The following SERPINA3 variants were observed in gnomAD, a reference collection of about 807,000 sequenced individuals.
SERPINA3 encodes alpha-1-antichymotrypsin.
Under a neutral mutation model 26.8 loss-of-function variants are expected in SERPINA3, and 32 were observed. The ratio of observed to expected loss-of-function variants is 1.20; its 90% confidence interval spans 0.90 to 1.61. The LOEUF (loss-of-function observed/expected upper bound fraction) is 1.61, where lower values mean the gene tolerates loss of function less well. SERPINA3 is among the 40% of genes most tolerant of loss of function. SERPINA3 has a pLI of 0.00. For synonymous variants in SERPINA3, 252 were observed against 206.4 expected, an observed-to-expected ratio of 1.22 and a Z score of -1.89; for missense variants, 632 against 517.9, an observed-to-expected ratio of 1.22 and a Z score of -2.14.
rs772143246 is a variant in SERPINA3 at position 94,614,702 on chromosome 14, G to A, written c.261G>A (p.Leu87=). The A allele has an allele frequency of 1.2e-6, 2 of 1,614,146 alleles. No homozygotes were observed. The highest frequency in any genetic ancestry group is 2.2e-5 in the East Asian group (1 of 44,866). ...GCATCTCCACCGCCTTGGCCTTCCT[G>A]TCTCTGGGGGCCCATAATACCACCC... ...PLSISTALAF[L]SLGAHNTTLT... is the part of the protein sequence containing the mutation. Residue 87 remains leucine (L), a synonymous_variant, in exon 2 of 5, where the codon CTG becomes CTA. Transcript: ENST00000393078.
In SERPINA3 at chr14:94,614,525, A is replaced by G; in HGVS notation, c.84A>G (p.Pro28=). ...CTGTCCTCTGCCACCCTAACAGCCC[A>G]CTTGACGAGGAGAATCTGACCCAGG... ...CPAVLCHPNS[P]LDEENLTQEN... The change falls in exon 2 of 5, where the codon CCA becomes CCG. Residue 28 remains proline (P), a synonymous_variant. Transcript: ENST00000393078. 1 of 1,613,862 alleles carries G rather than the reference A, an allele frequency of 6.2e-7. No homozygotes were observed. The highest frequency in any genetic ancestry group is 1.3e-5 in the African/African-American group (1 of 75,000).
In SERPINA3 at chr14:94,614,623, A is replaced by G. The variant is rs1424796638; in HGVS notation, c.182A>G (p.Tyr61Cys). 2.5e-6 allele frequency: 4 copies of G among 1,613,988 alleles called. No homozygotes were observed. In the East Asian group the frequency reaches 6.7e-5, roughly 27 times the overall value. ...AACGTGGACTTCGCTTTCAGCCTGT[A>G]CAAGCAGTTAGTCCTGAAGGCCCCT... ...SANVDFAFSL[Y>C]KQLVLKAPDK... The change falls in exon 2 of 5, where the codon TAC becomes TGC. Residue 61 changes from tyrosine to cysteine, a missense_variant. Tyr to Cys is a radical substitution (Grantham distance 194). Transcript: ENST00000393078.
Position 94,614,477 on chromosome 14 carries a change from C to T in SERPINA3, c.36C>T (p.Leu12=), listed in dbSNP as rs79181968. 9,741 of 1,614,102 alleles carry T rather than the reference C, an allele frequency of 6.0e-3. 31 individuals carry two copies. The highest frequency in any genetic ancestry group is 6.7e-3 in the Non-Finnish European group (7,922 of 1,179,998). Residue 12 remains leucine, a synonymous_variant, in exon 2 of 5, where the codon CTC becomes CTT. Transcript: ENST00000393078. ...ERMLPLLALG[L]LAAGFCPAVL... ...TGTTACCTCTCCTGGCTCTGGGGCT[C>T]TTGGCGGCTGGGTTCTGCCCTGCTG... is the stretch of plus-strand genomic sequence containing the variant.
chr14:94,620,070 G>C, intron 3 of SERPINA3: 2 of 303,936 alleles, frequency 6.6e-6, no homozygotes, highest in Non-Finnish European at 1.2e-5. Flanking sequence ...TTGAGTAAGG[G>C]GATAGAAATT....
intron 1 of SERPINA3, chr14:94,614,233 A>C: frequency 1.7e-6 from 1 of 602,120 alleles, no homozygotes; most frequent in Non-Finnish European, 2.9e-6. Context: ...AAATGGCAAC[A>C]ATTATGGTAC....
intron 1 of SERPINA3, chr14:94,613,807 G>A (rs763711531): frequency 6.6e-6 from 1 of 152,412 alleles, no homozygotes; most frequent in East Asian, 1.9e-4. Flanking sequence ...CAGGGCCATC[G>A]AGGCTCCAGA....
chr14:94,619,064 A>G (rs1423376359), intron 2 of SERPINA3, 131 bp from the exon 3 acceptor site: 4 of 1,022,616 alleles, frequency 3.9e-6, no homozygotes, highest in Non-Finnish European at 4.6e-6. Context: ...TACTCTTGCC[A>G]AGCTACTTCT....
chr14:94,618,775 G>A (rs945478696), intron 2 of SERPINA3: 4 of 293,484 alleles, frequency 1.4e-5, no homozygotes, highest in African/African-American at 8.7e-5. Context: ...ACAAGCCACT[G>A]TTATATGTTC....
At chr14:94,619,086 C>T in intron 2 of SERPINA3, 109 bp from the exon 3 acceptor site, 2 of 1,261,490 alleles carry the variant, frequency 1.6e-6, no homozygotes, top group Non-Finnish European at 2.3e-6. Context: ...TAAACCAAAG[C>T]AGGGTCCCTC....
In SERPINA3 at chr14:94,614,875, A is replaced by G; in HGVS notation, c.434A>G (p.Glu145Gly). ...LSMGNAMFVKEQLSLLDRFTE... is the reference protein window; with the variant it reads ...LSMGNAMFVKGQLSLLDRFTE... ...ATGGGAAATGCCATGTTTGTCAAAG[A>G]GCAACTCAGTCTGCTGGACAGGTTC... is the stretch of plus-strand genomic sequence containing the variant. Residue 145 changes from glutamate to glycine, a missense_variant, in exon 2 of 5, where the codon GAG becomes GGG. By Grantham distance (98) the Glu-to-Gly change is moderately conservative. Coordinates refer to ENST00000393078, the MANE Select transcript of SERPINA3 (RefSeq NM_001085.5). 6.2e-7 allele frequency: 1 copy of G among 1,614,150 alleles called. No homozygotes were observed. The highest frequency in any genetic ancestry group is 8.5e-7 in the Non-Finnish European group (1 of 1,179,998).
At chr14:94,612,553 A>T (rs560082368) in intron 1 of SERPINA3, 106 bp downstream of exon 1, 2 of 591,534 alleles carry the variant, frequency 3.4e-6, no homozygotes, top group Non-Finnish European at 5.7e-6. Context: ...AGCAGAGGCC[A>T]GGAGGAGGTG....
chr14:94,623,644 G>C lies in SERPINA3; in HGVS notation c.1102G>C (p.Glu368Gln), dbSNP rs754273666. The stretch of plus-strand genomic sequence containing the variant: ...TAAGGCTGTGCTTGATGTATTTGAG[G>C]AGGGCACAGAAGCATCTGCTGCCAC... ...VHKAVLDVFEEGTEASAATAV... is the reference protein window; with the variant it reads ...VHKAVLDVFEQGTEASAATAV... Residue 368 changes from glutamate (E) to glutamine (Q), a missense_variant, in exon 5 of 5, where the codon GAG becomes CAG. By Grantham distance (29) the Glu-to-Gln change is conservative. Transcript: ENST00000393078. The C allele has an allele frequency of 1.8e-5, 29 of 1,614,144 alleles. No individual in the cohort carries two copies. Among genetic ancestry groups the C allele is most frequent in the Non-Finnish European group, 2.5e-5 (29 of 1,180,026 alleles).
At position 94,623,593 on chromosome 14, in the gene SERPINA3, G is replaced by GTTC. The variant is rs761128998; in HGVS notation, c.1069-16_1069-14dup. ...CGCATCTGTGTTTCCCGTGTGTAAT[G>GTTC]TTCTGCTGTCCCCACAGGTGGTCCA... On this transcript the variant is annotated splice_polypyrimidine_tract_variant and intron_variant, in intron 4 of 4. Coordinates refer to ENST00000393078, the MANE Select transcript of SERPINA3 (RefSeq NM_001085.5). 8.7e-4 allele frequency: 1,403 copies of GTTC among 1,612,694 alleles called. 20 individuals are homozygous for GTTC. The highest frequency in any genetic ancestry group is 2.3e-3 in the Middle Eastern group (13 of 5,606).
intron 1 of SERPINA3, chr14:94,614,202 C>T: frequency 1.8e-6 from 1 of 563,848 alleles, no homozygotes; most frequent in Non-Finnish European, 3.2e-6. Flanking sequence ...CCGCTCTGTG[C>T]CCGGCTTTTC....
intron 1 of SERPINA3, chr14:94,613,508 C>T (rs889663510): frequency 6.6e-6 from 1 of 152,210 alleles, no homozygotes; most frequent in African/African-American, 2.4e-5. Context: ...CTCGGTACGT[C>T]TAATATGAAC....
At chr14:94,613,915 C>T (rs1339757055) in intron 1 of SERPINA3, 1 of 164,154 alleles carries the variant, frequency 6.1e-6, no homozygotes, top group Non-Finnish European at 1.3e-5. Flanking sequence ...CACGTGACAT[C>T]TAGAGGCTGG....
intron 2 of SERPINA3, chr14:94,618,769 G>A (rs902339858): frequency 4.1e-5 from 11 of 266,846 alleles, no homozygotes; most frequent in African/African-American, 2.4e-4. Flanking sequence ...CCTCCCACAA[G>A]CCACTGTTAT....
In SERPINA3 at chr14:94,619,347, C is replaced by T; in HGVS notation, c.796C>T (p.Leu266=). Reference sequence around the variant, plus strand: ...GGAGCTGTCCTGCACCGTGGTGGAGCTGAAGTACACAGGCAATGCCAGCGC... The same window carrying T: ...GGAGCTGTCCTGCACCGTGGTGGAGTTGAAGTACACAGGCAATGCCAGCGC... ...DEELSCTVVE[L]KYTGNASALF... The change falls in exon 3 of 5, where the codon CTG becomes TTG. Residue 266 remains leucine, a synonymous_variant. Coordinates refer to ENST00000393078, the MANE Select transcript of SERPINA3 (RefSeq NM_001085.5). 1.2e-6 allele frequency: 2 copies of T among 1,614,228 alleles called. No homozygotes were observed. Among genetic ancestry groups the T allele is most frequent in the Non-Finnish European group, 1.7e-6 (2 of 1,180,042 alleles).
intron 3 of SERPINA3, among the ~76,000 whole-genome samples, chr14:94,621,235 C>G (rs1886192351): frequency 6.6e-6 from 1 of 152,188 alleles, no homozygotes; most frequent in African/African-American, 2.4e-5. Flanking sequence ...AGACTCCTTC[C>G]TCCTTTAGCA....
Sources: gnomAD v4.1 joint callset for allele counts (sites outside exome capture counted in the v4.1 genomes callset) on GRCh38, gnomAD v4.1.1 for gene constraint, MANE v1.5 for transcripts, NCBI Gene and HGNC (gene_info 2026-07-23, HGNC 2026-07-21) for gene names.